Variants in AGAP1 observed in about 807,000 individuals in gnomAD.
The protein encoded by AGAP1 is arf-GAP with GTPase, ANK repeat and PH domain-containing protein 1.
Under a neutral mutation model 105.3 loss-of-function variants are expected in AGAP1, and 29 were observed. The observed-to-expected ratio is 0.28, with a 90% confidence interval of 0.21 to 0.38. The LOEUF (loss-of-function observed/expected upper bound fraction) is 0.38. Among genes scored for constraint, AGAP1 ranks in the 10% least tolerant of loss-of-function variants. AGAP1 has a pLI of 1.00. For synonymous variants in AGAP1, 509 were observed against 485.9 expected (o/e 1.05, Z -0.63); for missense variants, 998 against 1,165.1 (o/e 0.86, Z 2.09).
At chr2:235,560,120 T>C (rs1944098988) in intron 1 of AGAP1, among the ~76,000 whole-genome samples, 1 of 152,200 alleles carries the variant, frequency 6.6e-6, no homozygotes, top group Non-Finnish European at 1.5e-5. Context: ...TGATGGTTTC[T>C]TTTACGTTTA....
In AGAP1 at chr2:235,517,376, G is replaced by A. The variant is rs965149367; in HGVS notation, c.163+22527G>A. On this transcript the variant is annotated intron_variant, in intron 1 of 17. Coordinates refer to ENST00000304032, the MANE Select transcript of AGAP1 (RefSeq NM_001037131.3). This position sits in a 1 kb window ranked among gnomAD's most constrained non-coding sequence, Gnocchi z 4.1. ...CCCTCCCTCCCTGGTGGTTTCTGAG[G>A]ATTTGTCACTGATGTAGTAGCATCA... 1.3e-5 allele frequency among the ~76,000 whole-genome samples: 2 copies of A among 152,196 alleles called. No homozygotes were observed. The highest frequency in any genetic ancestry group is 4.8e-5 in the African/African-American group (2 of 41,460).
At chr2:235,541,669 G>A (rs997392916) in intron 1 of AGAP1, among the ~76,000 whole-genome samples, 4 of 152,054 alleles carry the variant, frequency 2.6e-5, no homozygotes, top group South Asian at 2.1e-4. Context: ...GATTACAGGC[G>A]TGAGCCACCG....
intron 16 of AGAP1, among the ~76,000 whole-genome samples, chr2:236,103,041 C>G (rs2059399184): frequency 7.6e-6 from 1 of 132,238 alleles, no homozygotes; most frequent in South Asian, 3.0e-4. Flanking sequence ...TCCTGGGTGC[C>G]ACATCTCCAG....
chr2:235,494,880 A>G, intron 1 of AGAP1, 31 bp downstream of exon 1: 1 of 1,529,890 alleles, frequency 6.5e-7, no homozygotes, highest in Non-Finnish European at 8.8e-7. Flanking sequence ...GGGCCTCGGG[A>G]AGGCACGGAC....
chr2:235,916,674 G>C (rs1052022375), intron 11 of AGAP1, among the ~76,000 whole-genome samples: 1 of 152,186 alleles, frequency 6.6e-6, no homozygotes, highest in South Asian at 2.1e-4. Flanking sequence ...CTATGGAGAA[G>C]AACACACGGC....
chr2:235,512,171 T>G (rs1347965070), intron 1 of AGAP1, among the ~76,000 whole-genome samples: 2 of 152,230 alleles, frequency 1.3e-5, no homozygotes, highest in Non-Finnish European at 2.9e-5. Flanking sequence ...CTTGATCTGT[T>G]GCTGCATCAG....
At position 235,884,860 on chromosome 2, in the gene AGAP1, A is replaced by ACAGCAGCAGCAGCAG. The variant is rs10526218; in HGVS notation, c.1155+1421_1155+1435dup. Among the ~76,000 whole-genome samples the ACAGCAGCAGCAGCAG allele has an allele frequency of 5.7e-4, 86 of 151,162 alleles. 1 individual carries two copies. Among genetic ancestry groups the ACAGCAGCAGCAGCAG allele is most frequent in the Non-Finnish European group, 1.1e-3 (77 of 67,728 alleles). On this transcript the variant is annotated intron_variant, in intron 10 of 17. Transcript: ENST00000304032. Reference sequence around the variant, plus strand: ...CTGTGTCAGGCTAGTAGTAATAGTCACAGCAGCAGCAGCAGCAGCAGCAGT... The same window carrying ACAGCAGCAGCAGCAG: ...CTGTGTCAGGCTAGTAGTAATAGTCACAGCAGCAGCAGCAGCAGCAGCAGCAGCAGCAGCAGCAGT...
chr2:235,788,821 G>A lies in AGAP1; in HGVS notation c.674-8938G>A, dbSNP rs1956802960. 6.6e-6 allele frequency among the ~76,000 whole-genome samples: 1 copy of A among 152,186 alleles called. No individual in the cohort carries two copies. Among genetic ancestry groups the A allele is most frequent in the Non-Finnish European group, 1.5e-5 (1 of 68,042 alleles). On this transcript the variant is annotated intron_variant, in intron 6 of 17. Coordinates refer to ENST00000304032, the MANE Select transcript of AGAP1 (RefSeq NM_001037131.3). The surrounding 1 kb of genome is among the most constrained non-coding windows in gnomAD (Gnocchi z 6.0). ...ACCGGCAGTAGACAAAACCAGCTGC[G>A]GGGCCACACCACGTTAGGGTGCTTT... is the stretch of plus-strand genomic sequence containing the variant.
At chr2:235,676,001 T>C (rs1428127736) in intron 1 of AGAP1, among the ~76,000 whole-genome samples, 1 of 152,216 alleles carries the variant, frequency 6.6e-6, no homozygotes, top group Non-Finnish European at 1.5e-5. Context: ...TGTTTGGAGC[T>C]GTAAGACCCA....
Position 236,045,962 on chromosome 2 carries a change from G to T in AGAP1, c.1892-3097G>T, listed in dbSNP as rs1260569353. Reference sequence around the variant, plus strand: ...TTCAGAGAATTCGGAGTCCGGCACAGGAATGTGTCCCACGCATGAATGTCG... The same window carrying T: ...TTCAGAGAATTCGGAGTCCGGCACATGAATGTGTCCCACGCATGAATGTCG... On this transcript the variant is annotated intron_variant, in intron 15 of 17. Transcript: ENST00000304032. The surrounding 1 kb of genome is among the most constrained non-coding windows in gnomAD (Gnocchi z 6.9). 1 of 471,752 alleles carries T rather than the reference G, an allele frequency of 2.1e-6. No homozygotes were observed. Among genetic ancestry groups the T allele is most frequent in the Non-Finnish European group, 4.4e-6 (1 of 227,166 alleles). The allele number at this position is 471,752 out of a possible 1,614,324, so 29.2% of individuals were successfully genotyped here.
intron 16 of AGAP1, among the ~76,000 whole-genome samples, chr2:236,064,956 T>G (rs985125061): frequency 2.0e-5 from 3 of 152,252 alleles, no homozygotes; most frequent in African/African-American, 7.2e-5. Flanking sequence ...TGTTACTTTT[T>G]CATTGTTTTC....
At chr2:236,100,174 C>G (rs1251011070) in intron 16 of AGAP1, among the ~76,000 whole-genome samples, 2 of 152,164 alleles carry the variant, frequency 1.3e-5, no homozygotes, top group African/African-American at 2.4e-5. Context: ...CCTGAGGCCC[C>G]CTCCGTGCCC....
At position 235,845,708 on chromosome 2, in the gene AGAP1, G is replaced by A. The variant is rs1352788689; in HGVS notation, c.1051-37637G>A. ...CACGGAGTCACCCAAGTCACCAGCCGGGACTATTCCTGATGTCATCTATTA... is the reference window on the plus strand; with the variant it reads ...CACGGAGTCACCCAAGTCACCAGCCAGGACTATTCCTGATGTCATCTATTA... On this transcript the variant is annotated intron_variant, in intron 9 of 17. Transcript: ENST00000304032. The surrounding 1 kb of genome is among the most constrained non-coding windows in gnomAD (Gnocchi z 4.8). 2.0e-5 allele frequency among the ~76,000 whole-genome samples: 3 copies of A among 151,834 alleles called. No homozygotes were observed. Among genetic ancestry groups the A allele is most frequent in the South Asian group, 4.2e-4 (2 of 4,782 alleles).
At position 235,865,310 on chromosome 2, in the gene AGAP1, C is replaced by T. The variant is rs1041309279; in HGVS notation, c.1051-18035C>T. On this transcript the variant is annotated intron_variant, in intron 9 of 17. Coordinates refer to ENST00000304032, the MANE Select transcript of AGAP1 (RefSeq NM_001037131.3). The surrounding 1 kb of genome is among the most constrained non-coding windows in gnomAD (Gnocchi z 6.2). The stretch of plus-strand genomic sequence containing the variant: ...TTCTCAGCAGTGAGGTAGGAATAGA[C>T]GCGGCTAATGACAGGAAGGTCGCGC... Among the ~76,000 whole-genome samples, 6 of 152,164 alleles carry T rather than the reference C, an allele frequency of 3.9e-5. No homozygotes were observed. Among genetic ancestry groups the T allele is most frequent in the Non-Finnish European group, 7.4e-5 (5 of 68,024 alleles).
At chr2:236,039,030 TG>T (rs1334126276) in intron 14 of AGAP1, among the ~76,000 whole-genome samples, 2 of 152,238 alleles carry the variant, frequency 1.3e-5, no homozygotes, top group African/African-American at 4.8e-5. Flanking sequence ...TTTGATGAGA[TG>T]TTTCAATTTA....
chr2:235,803,795 A>G (rs1209533815), intron 8 of AGAP1, among the ~76,000 whole-genome samples: 2 of 152,306 alleles, frequency 1.3e-5, no homozygotes, highest in East Asian at 3.9e-4. Flanking sequence ...TCCAAATTAT[A>G]TGTTACATTT....
intron 1 of AGAP1, among the ~76,000 whole-genome samples, chr2:235,560,707 G>T (rs79194183): frequency 0.015 from 2,357 of 152,308 alleles, 24 homozygotes; most frequent in Middle Eastern, 0.034. Flanking sequence ...GGAGCCTCCT[G>T]AAGGGCATAC....
rs1200113968 is a variant in AGAP1, at chr2:235,963,286, G to A, written c.1484-5176G>A. ...TTTCTACAGCTAAAAGTGGGAAGGGGCCTAGAAACAGACGTGCCATTTTGA... is the reference window on the plus strand; with the variant it reads ...TTTCTACAGCTAAAAGTGGGAAGGGACCTAGAAACAGACGTGCCATTTTGA... On this transcript the variant is annotated intron_variant, in intron 12 of 17. Coordinates refer to ENST00000304032, the MANE Select transcript of AGAP1 (RefSeq NM_001037131.3). The surrounding 1 kb of genome is among the most constrained non-coding windows in gnomAD (Gnocchi z 5.1). 2.6e-5 allele frequency among the ~76,000 whole-genome samples: 4 copies of A among 152,196 alleles called. No individual in the cohort carries two copies. Among genetic ancestry groups the A allele is most frequent in the Non-Finnish European group, 5.9e-5 (4 of 68,038 alleles).
rs1240985565 is a variant in AGAP1 at position 235,799,131 on chromosome 2, G to A, written c.802-236G>A. Among the ~76,000 whole-genome samples the A allele has an allele frequency of 2.0e-5, 3 of 152,142 alleles. No individual in the cohort carries two copies. Among genetic ancestry groups the A allele is most frequent in the African/African-American group, 7.2e-5 (3 of 41,442 alleles). ...TAAGTTAAATGAAAGAGACTTCTTT[G>A]TCTTCAGTCACTTTTCTCAGGGGAT... On this transcript the variant is annotated intron_variant, in intron 7 of 17. Coordinates refer to ENST00000304032, the MANE Select transcript of AGAP1 (RefSeq NM_001037131.3). The surrounding 1 kb of genome is among the most constrained non-coding windows in gnomAD (Gnocchi z 5.0).
Sources: allele counts gnomAD v4.1 joint callset (sites outside exome capture counted in the v4.1 genomes callset), GRCh38; gene constraint gnomAD v4.1.1; non-coding constraint Gnocchi (gnomAD v3.1); transcripts MANE v1.5; gene names NCBI Gene and HGNC (gene_info 2026-07-23, HGNC 2026-07-21).